OPCML: variants seen among roughly 807,000 people sequenced by gnomAD.
The protein encoded by OPCML is opioid-binding protein/cell adhesion molecule.
Under a neutral mutation model 37.8 loss-of-function variants are expected in OPCML, and 13 were observed. The ratio of observed to expected loss-of-function variants is 0.34; its 90% confidence interval spans 0.22 to 0.55. The LOEUF (loss-of-function observed/expected upper bound fraction) is 0.55, where lower values mean the gene tolerates loss of function less well. Among genes scored for constraint, OPCML ranks in the 20% least tolerant of loss-of-function variants. The probability of loss-of-function intolerance (pLI) is 0.91; values close to 1 mark genes in which losing one functional copy is unlikely to be tolerated. For synonymous variants in OPCML, 176 were observed against 168.8 expected (o/e 1.04, Z -0.33); for missense variants, 341 against 435.6 (o/e 0.78, Z 1.93).
At chr11:132,834,695 T>C (rs1240934482) in intron 2 of OPCML, among the ~76,000 whole-genome samples, 2 of 152,194 alleles carry the variant, frequency 1.3e-5, no homozygotes, top group Admixed American at 1.3e-4. Context: ...GTATTAGCCA[T>C]ATTGGATTAG....
chr11:133,357,406 C>A (rs1944313292), intron 1 of OPCML, among the ~76,000 whole-genome samples: 1 of 152,192 alleles, frequency 6.6e-6, no homozygotes. Flanking sequence ...TTGACATAAA[C>A]ATGTGGATGA....
rs2095937248 is a variant in OPCML, at chr11:132,415,986, A to T, written c.*4207T>A. ...AAGTTTTACTCAAGTGCTCAAACTT[A>T]TTTGTCTTCAAGTAAAAAGACAGGG... On this transcript the variant is annotated 3_prime_UTR_variant, in exon 8 of 8. Coordinates refer to ENST00000524381, the MANE Select transcript of OPCML (RefSeq NM_001012393.5). The T allele has an allele frequency of 6.6e-6, 1 of 152,588 alleles. No homozygotes were observed. The highest frequency in any genetic ancestry group is 1.5e-5 in the Non-Finnish European group (1 of 68,036). 9.5% of individuals were successfully genotyped at this position (152,588 alleles called of 1,614,324 possible). A position where few individuals can be genotyped will look rare whatever the true frequency, so the allele number is the denominator to read the frequency against.
chr11:132,712,792 C>T (rs1944321077), intron 2 of OPCML, among the ~76,000 whole-genome samples: 1 of 152,218 alleles, frequency 6.6e-6, no homozygotes, highest in Admixed American at 6.5e-5. Context: ...TGGCACGGGG[C>T]AGCCTGGTGG....
At chr11:132,607,607 G>A (rs1412198149) in intron 3 of OPCML, among the ~76,000 whole-genome samples, 1 of 152,158 alleles carries the variant, frequency 6.6e-6, no homozygotes, top group East Asian at 1.9e-4. Flanking sequence ...TTTCTATACT[G>A]AGGACATATC....
intron 1 of OPCML, among the ~76,000 whole-genome samples, chr11:133,371,714 T>C (rs1944679091): frequency 6.6e-6 from 1 of 152,208 alleles, no homozygotes; most frequent in Non-Finnish European, 1.5e-5. Flanking sequence ...TCAATTAACC[T>C]CTTTTGTTTA....
rs1565644514 is a variant in OPCML at position 133,458,171 on chromosome 11, CATATATGTGTATATATACACATATAT to C, written c.61+74067_61+74092del. Among the ~76,000 whole-genome samples the C allele has an allele frequency of 7.7e-4, 112 of 145,036 alleles. 1 individual carries two copies. The highest frequency in any genetic ancestry group is 2.7e-3 in the African/African-American group (98 of 36,888). On this transcript the variant is annotated intron_variant, in intron 1 of 7. Coordinates refer to ENST00000524381, the MANE Select transcript of OPCML (RefSeq NM_001012393.5). The stretch of plus-strand genomic sequence containing the variant: ...GAGAAAAAATATATATATACATATA[CATATATGTGTATATATACACATATAT>C]ACACGTGTGTGTATATATACACATA...
Position 132,611,861 on chromosome 11 carries a change from G to T in OPCML, c.379+45226C>A, listed in dbSNP as rs373462662. Among the ~76,000 whole-genome samples the T allele has an allele frequency of 3.9e-5, 6 of 152,196 alleles. No individual in the cohort carries two copies. The East Asian group carries it at 7.7e-4, about 20-fold the overall frequency. On this transcript the variant is annotated intron_variant, in intron 3 of 7. Coordinates refer to ENST00000524381, the MANE Select transcript of OPCML (RefSeq NM_001012393.5). Reference sequence around the variant, plus strand: ...TGCCCAGGACTGAAGGGTTTCTCAGGATGGGAAAAAATGGGACAGTCCCAG... The same window carrying T: ...TGCCCAGGACTGAAGGGTTTCTCAGTATGGGAAAAAATGGGACAGTCCCAG...
At chr11:132,541,158 A>G (rs2096355469) in intron 3 of OPCML, among the ~76,000 whole-genome samples, 1 of 152,224 alleles carries the variant, frequency 6.6e-6, no homozygotes, top group Admixed American at 6.5e-5. Context: ...GTGGTGGCCA[A>G]GCCCATGACC....
chr11:133,161,597 G>A (rs1482236900), intron 1 of OPCML, among the ~76,000 whole-genome samples: 2 of 152,106 alleles, frequency 1.3e-5, no homozygotes, highest in Admixed American at 1.3e-4. Context: ...CCGATATTGA[G>A]GTTCACCACA....
At chr11:132,995,447 TTCCC>T (rs1214687250) in intron 1 of OPCML, among the ~76,000 whole-genome samples, 1 of 151,936 alleles carries the variant, frequency 6.6e-6, no homozygotes, top group Non-Finnish European at 1.5e-5. Context: ...TCTCTCCTCT[TTCCC>T]TCCCTCCCTC....
At chr11:132,775,928 C>G (rs925217437) in intron 2 of OPCML, among the ~76,000 whole-genome samples, 1 of 152,134 alleles carries the variant, frequency 6.6e-6, no homozygotes, top group Non-Finnish European at 1.5e-5. Context: ...CACATGACCC[C>G]AGTGCTTTCT....
At chr11:132,484,466 G>A (rs1467181604) in intron 4 of OPCML, among the ~76,000 whole-genome samples, 1 of 152,180 alleles carries the variant, frequency 6.6e-6, no homozygotes, top group Non-Finnish European at 1.5e-5. Flanking sequence ...TTACACTGTT[G>A]GTGGGACTGT....
rs191833668 is a variant in OPCML at position 132,901,718 on chromosome 11, C to T, written c.146+41208G>A. 1.8e-3 allele frequency among the ~76,000 whole-genome samples: 270 copies of T among 152,236 alleles called. 6 individuals carry two copies. The highest frequency in any genetic ancestry group is 7.5e-4 in the Non-Finnish European group (51 of 68,024). ...TTTCACCTTGCCTCTCTATATTTCT[C>T]TGCGACAGCAGTAGAATCATCAGTA... On this transcript the variant is annotated intron_variant, in intron 2 of 7. Coordinates refer to ENST00000524381, the MANE Select transcript of OPCML (RefSeq NM_001012393.5).
intron 3 of OPCML, among the ~76,000 whole-genome samples, chr11:132,626,812 T>TTCTCTCTCTC (rs375135656): frequency 6.8e-6 from 1 of 147,218 alleles, no homozygotes; most frequent in Non-Finnish European, 1.5e-5. Flanking sequence ...AAAGGGAAGT[T>TTCTCTCTCTC]TCTCTCTCTC....
chr11:133,355,421 A>C (rs577225372), intron 1 of OPCML, among the ~76,000 whole-genome samples: 1 of 152,352 alleles, frequency 6.6e-6, no homozygotes, highest in Non-Finnish European at 1.5e-5. Flanking sequence ...AAGATCCAGG[A>C]TTGTTAATTT....
At chr11:133,221,310 C>G (rs1316301071) in intron 1 of OPCML, among the ~76,000 whole-genome samples, 1 of 152,148 alleles carries the variant, frequency 6.6e-6, no homozygotes, top group Non-Finnish European at 1.5e-5. Context: ...GCTGGGTCCC[C>G]TCAGTCTCAT....
At chr11:132,664,070 G>A (rs1270298349) in intron 2 of OPCML, among the ~76,000 whole-genome samples, 1 of 152,092 alleles carries the variant, frequency 6.6e-6, no homozygotes, top group South Asian at 2.1e-4. Flanking sequence ...CTGACCTCAT[G>A]ATCCGCCCGC....
chr11:132,468,537 A>G (rs2136944851), intron 4 of OPCML, among the ~76,000 whole-genome samples: 1 of 152,356 alleles, frequency 6.6e-6, no homozygotes, highest in East Asian at 1.9e-4. Context: ...TACTGCAGCT[A>G]CAAAAATAAT....
chr11:133,381,790 T>G (rs147053480), intron 1 of OPCML, among the ~76,000 whole-genome samples: 42 of 152,358 alleles, frequency 2.8e-4, no homozygotes, highest in African/African-American at 9.4e-4. Context: ...TTTTAATGTT[T>G]GGACATGAAC....
Sources: allele counts gnomAD v4.1 joint callset (sites outside exome capture counted in the v4.1 genomes callset), GRCh38; gene constraint gnomAD v4.1.1; transcripts MANE v1.5; gene names NCBI Gene and HGNC (gene_info 2026-07-23, HGNC 2026-07-21).